Variants in GRIP1 observed in about 807,000 individuals in gnomAD.
GRIP1 encodes the protein glutamate receptor interacting protein 1.
In GRIP1, 45 loss-of-function variants were observed where a neutral mutation model predicts 129.9. The observed-to-expected ratio is 0.35, with a 90% confidence interval of 0.27 to 0.44. GRIP1 has a LOEUF of 0.44. Among genes scored for constraint, GRIP1 ranks in the 20% least tolerant of loss-of-function variants. The pLI is 1.00. For missense variants in GRIP1, 1,196 were observed against 1,396.8 expected (o/e 0.86, Z 2.29); for synonymous variants, 530 against 520.8 (o/e 1.02, Z -0.24).
At chr12:66,942,978 T>C in intron 1 of GRIP1, among the ~76,000 whole-genome samples, 1 of 152,194 alleles carries the variant, frequency 6.6e-6, no homozygotes, top group East Asian at 1.9e-4. Context: ...CCACCTTATC[T>C]TGGACTTCCC....
intron 1 of GRIP1, among the ~76,000 whole-genome samples, chr12:66,731,134 A>G (rs1274314556): frequency 6.6e-6 from 1 of 152,130 alleles, no homozygotes; most frequent in Non-Finnish European, 1.5e-5. Context: ...CTGCCTGTGG[A>G]TTTCATTATT....
At chr12:67,065,542 A>G (rs544336520) in intron 1 of GRIP1, among the ~76,000 whole-genome samples, 1 of 152,220 alleles carries the variant, frequency 6.6e-6, no homozygotes, top group Non-Finnish European at 1.5e-5. Context: ...TTAAATCTAA[A>G]TATAAAAGCA....
rs199812266 is a variant in GRIP1 at position 66,349,037 on chromosome 12, T to A, written c.3369A>T (p.Glu1123Asp). The change falls in exon 25 of 25, where the codon GAA becomes GAT. Residue 1123 changes from glutamate (E) to aspartate (D), a missense_variant. Transcript: ENST00000359742. ...AGCGTTGCTATAATGTATTAGTGGGTTCTCGTGTCTCCAAATTACCACCGT... is the reference window on the plus strand; with the variant it reads ...AGCGTTGCTATAATGTATTAGTGGGATCTCGTGTCTCCAAATTACCACCGT... ...PSHGGNLETR[E>D]PTNTL 1.9e-4 allele frequency: 307 copies of A among 1,611,766 alleles called. No homozygotes were observed. The African/African-American group carries it at 3.6e-3, about 19-fold the overall frequency.
intron 1 of GRIP1, among the ~76,000 whole-genome samples, chr12:66,723,501 T>G (rs1409221213): frequency 6.6e-6 from 1 of 151,428 alleles, no homozygotes; most frequent in Non-Finnish European, 1.5e-5. Context: ...TTAGTAGAGA[T>G]GGGGTTTCAC....
intron 1 of GRIP1, among the ~76,000 whole-genome samples, chr12:66,675,040 G>A (rs2034260631): frequency 6.6e-6 from 1 of 152,082 alleles, no homozygotes; most frequent in African/African-American, 2.4e-5. Flanking sequence ...TTCTATTTTA[G>A]GCCATATGTG....
At chr12:66,756,712 T>G (rs1328312260) in intron 1 of GRIP1, among the ~76,000 whole-genome samples, 1 of 152,186 alleles carries the variant, frequency 6.6e-6, no homozygotes, top group East Asian at 1.9e-4. Flanking sequence ...TAATCCTGCC[T>G]GCAATGAGGT....
At chr12:67,038,948 C>T (rs887081784) in intron 1 of GRIP1, among the ~76,000 whole-genome samples, 6 of 152,052 alleles carry the variant, frequency 3.9e-5, no homozygotes, top group Middle Eastern at 3.4e-3. Context: ...GGCCTAAATA[C>T]GTACCACAGC....
At chr12:67,018,964 CAG>C (rs1260703819) in intron 1 of GRIP1, among the ~76,000 whole-genome samples, 10 of 151,982 alleles carry the variant, frequency 6.6e-5, no homozygotes, top group Non-Finnish European at 1.3e-4. Context: ...ACACCACACT[CAG>C]GGATACAGTT....
chr12:66,979,623 G>A (rs1352538541), intron 1 of GRIP1, among the ~76,000 whole-genome samples: 3 of 152,210 alleles, frequency 2.0e-5, no homozygotes, highest in African/African-American at 7.2e-5. Context: ...CCAGAAAGAC[G>A]CATACCTGTA....
chr12:66,460,811 A>C (rs2059114827), intron 9 of GRIP1, among the ~76,000 whole-genome samples: 1 of 152,250 alleles, frequency 6.6e-6, no homozygotes, highest in African/African-American at 2.4e-5. Context: ...AAACTCCACT[A>C]GTCAAAAATT....
At position 66,853,100 on chromosome 12, in the gene GRIP1, T is replaced by G. The variant is rs74849923; in HGVS notation, c.58+215950A>C. ...CAACCAAGATGTTATGAGCTTGGAG[T>G]GCATGTCTCATAAACCAAACGTGAG... On this transcript the variant is annotated intron_variant, in intron 1 of 1. Transcript: ENST00000643019. Among the ~76,000 whole-genome samples the G allele has an allele frequency of 2.5e-3, 381 of 151,660 alleles. 3 individuals carry two copies. The highest frequency in any genetic ancestry group is 8.9e-3 in the African/African-American group (369 of 41,380).
intron 1 of GRIP1, among the ~76,000 whole-genome samples, chr12:66,830,605 A>T (rs2039499061): frequency 6.6e-6 from 1 of 152,176 alleles, no homozygotes; most frequent in Admixed American, 6.5e-5. Flanking sequence ...GATCTCTAGA[A>T]TGGTGAGATA....
chr12:66,993,943 T>C (rs1052254824), intron 1 of GRIP1, among the ~76,000 whole-genome samples: 1 of 152,068 alleles, frequency 6.6e-6, no homozygotes, highest in African/African-American at 2.4e-5. Context: ...AGATACATAC[T>C]ACCAAAACTG....
chr12:66,460,276 A>C lies in GRIP1; in HGVS notation c.1042+2648T>G, dbSNP rs1427505977. On this transcript the variant is annotated intron_variant, in intron 9 of 24. Transcript: ENST00000359742. ...TTTAAAATATTATGGTTCTTGTATC[A>C]TTCCATGGTGACGTCACTACTGCAG... is the stretch of plus-strand genomic sequence containing the variant. Among the ~76,000 whole-genome samples, 3 of 152,232 alleles carry C rather than the reference A, an allele frequency of 2.0e-5. No individual in the cohort carries two copies. In the East Asian group the frequency reaches 5.8e-4, roughly 29 times the overall value.
chr12:66,986,482 G>A (rs2042312785), intron 1 of GRIP1, among the ~76,000 whole-genome samples: 1 of 148,970 alleles, frequency 6.7e-6, no homozygotes, highest in African/African-American at 2.5e-5. Flanking sequence ...TATACACCAT[G>A]GAATACTATG....
At chr12:66,619,931 T>C (rs141444266) in intron 1 of GRIP1, among the ~76,000 whole-genome samples, 2,302 of 152,324 alleles carry the variant, frequency 0.015, 22 homozygotes, top group Non-Finnish European at 0.024. Flanking sequence ...TTGAACTTAC[T>C]GCCTCTTAAA....
At chr12:66,653,648 A>G (rs767217592) in intron 1 of GRIP1, among the ~76,000 whole-genome samples, 33 of 152,208 alleles carry the variant, frequency 2.2e-4, no homozygotes, top group Non-Finnish European at 3.5e-4. Flanking sequence ...ACTATTTGCT[A>G]TAAGCATTTG....
chr12:66,475,026 A>G (rs968194398), intron 7 of GRIP1, among the ~76,000 whole-genome samples: 1 of 152,204 alleles, frequency 6.6e-6, no homozygotes, highest in African/African-American at 2.4e-5. Context: ...TAAAAGACAC[A>G]GACTGGCAAA....
intron 1 of GRIP1, among the ~76,000 whole-genome samples, chr12:66,931,039 A>T (rs1011593513): frequency 5.3e-5 from 8 of 152,248 alleles, no homozygotes; most frequent in Non-Finnish European, 1.2e-4. Flanking sequence ...AGCTAGCTCT[A>T]CACTTTGTTC....
Sources: gnomAD v4.1 joint callset for allele counts (sites outside exome capture counted in the v4.1 genomes callset) on GRCh38, gnomAD v4.1.1 for gene constraint, MANE v1.5 for transcripts, NCBI Gene and HGNC (gene_info 2026-07-23, HGNC 2026-07-21) for gene names.